Variants in CERT1 observed in about 807,000 individuals in gnomAD.
CERT1 encodes ceramide transfer protein.
Under a neutral mutation model 87.9 loss-of-function variants are expected in CERT1, and 31 were observed. The ratio of observed to expected loss-of-function variants is 0.35; its 90% CI spans 0.27 to 0.48. The LOEUF is 0.48. Among genes scored for constraint, CERT1 ranks in the 20% least tolerant of loss-of-function variants. The probability of loss-of-function intolerance (pLI) is 0.99; values close to 1 mark genes in which losing one functional copy is unlikely to be tolerated. For synonymous variants in CERT1, 289 were observed against 250.9 expected (o/e 1.15, Z -1.44); for missense variants, 487 against 758.0 (o/e 0.64, Z 4.20).
At chr5:75,409,772 C>T (rs573735965) in intron 8 of CERT1, among the ~76,000 whole-genome samples, 32 of 151,938 alleles carry the variant, frequency 2.1e-4, no homozygotes, top group Admixed American at 1.2e-3. Flanking sequence ...TGTGATCCCC[C>T]CGCCTCAGCC....
rs574309879 is a variant in CERT1 at position 75,433,501 on chromosome 5, T to A, written c.349-7023A>T. 2.0e-5 allele frequency among the ~76,000 whole-genome samples: 3 copies of A among 152,234 alleles called. No homozygotes were observed. In the East Asian group the frequency reaches 5.8e-4, roughly 29 times the overall value. On this transcript the variant is annotated intron_variant, in intron 3 of 16. Coordinates refer to ENST00000643780, the MANE Select transcript of CERT1 (RefSeq NM_001379029.1). ...CCTGATCTGACTCTCAGCTTGGATG[T>A]TATTGGTGTATAGAAATGGTACTGA...
intron 2 of CERT1, among the ~76,000 whole-genome samples, chr5:75,484,998 T>C (rs1766440183): frequency 6.6e-6 from 1 of 151,988 alleles, no homozygotes; most frequent in South Asian, 2.1e-4. Context: ...TCAAAATAAC[T>C]GAAATCATTA....
Position 75,379,109 on chromosome 5 carries a change from G to C in CERT1, c.*237C>G, listed in dbSNP as rs1022412458. 4 of 388,562 alleles carry C rather than the reference G, an allele frequency of 1.0e-5. No individual in the cohort carries two copies. Among genetic ancestry groups the C allele is most frequent in the Non-Finnish European group, 1.9e-5 (4 of 215,212 alleles). 24.1% of individuals were successfully genotyped at this position (388,562 alleles called of 1,614,324 possible). On this transcript the variant is annotated 3_prime_UTR_variant, in exon 17 of 17. Transcript: ENST00000643780. ...GAGATGAGAGGATTGTTTGAGGCCA[G>C]AGGTTGAGGTTGCAGTGAGCCGTGA...
At chr5:75,369,369 G>C (rs545836981) in intron 17 of CERT1, 1 of 152,262 alleles carries the variant, frequency 6.6e-6, no homozygotes, top group South Asian at 2.1e-4. Flanking sequence ...TGTGTATTTG[G>C]AATTTTGTGA....
In CERT1 at chr5:75,393,602, T is replaced by TAAAAAAAAAAAAAAA. The variant is rs60898983; in HGVS notation, c.1189-3930_1189-3916dup. Among the ~76,000 whole-genome samples the TAAAAAAAAAAAAAAA allele has an allele frequency of 4.2e-3, 138 of 32,704 alleles. 6 individuals carry two copies. The highest frequency in any genetic ancestry group is 4.7e-3 in the Non-Finnish European group (80 of 17,182). The allele number at this position is 32,704 out of a possible 152,430, so 21.5% of individuals were successfully genotyped here. A position where few individuals can be genotyped will look rare whatever the true frequency, so the allele number is the denominator to read the frequency against. On this transcript the variant is annotated intron_variant, in intron 11 of 16. Coordinates refer to ENST00000643780, the MANE Select transcript of CERT1 (RefSeq NM_001379029.1). ...GCAACATAGCAAGACCTCATCTACT[T>TAAAAAAAAAAAAAAA]AAAAAAAAAAAAAAAAAAAAAGAAA...
At chr5:75,459,812 A>T (rs946228628) in intron 2 of CERT1, among the ~76,000 whole-genome samples, 1 of 151,864 alleles carries the variant, frequency 6.6e-6, no homozygotes, top group Non-Finnish European at 1.5e-5. Flanking sequence ...AAAATACAAA[A>T]ATCAGCTGGG....
Position 75,425,330 on chromosome 5 carries a change from A to C in CERT1, c.595+31T>G, listed in dbSNP as rs963247593. 11 of 1,593,694 alleles carry C rather than the reference A, an allele frequency of 6.9e-6. No homozygotes were observed. The African/African-American group carries it at 1.3e-4, about 20-fold the overall frequency. ...GAGGCTTTTAATCCATTCATTCTCCAAGTAAAAATAGTGGTAATAGCCTAA... is the reference window on the plus strand; with the variant it reads ...GAGGCTTTTAATCCATTCATTCTCCCAGTAAAAATAGTGGTAATAGCCTAA... On this transcript the variant is annotated intron_variant, in intron 5 of 16. Coordinates refer to ENST00000643780, the MANE Select transcript of CERT1 (RefSeq NM_001379029.1).
chr5:75,410,903 A>G, intron 8 of CERT1, 108 bp downstream of exon 8: 1 of 532,658 alleles, frequency 1.9e-6, no homozygotes, highest in Non-Finnish European at 3.2e-6. Flanking sequence ...ACTGAGGAAA[A>G]AATTATATAT....
At chr5:75,446,610 G>A (rs558763584) in intron 3 of CERT1, among the ~76,000 whole-genome samples, 1 of 152,250 alleles carries the variant, frequency 6.6e-6, no homozygotes, top group Admixed American at 6.5e-5. Flanking sequence ...ATTTACTAGT[G>A]TGGTAACTCT....
At position 75,389,584 on chromosome 5, in the gene CERT1, G is replaced by A. The variant is rs144328589; in HGVS notation, c.1284+8C>T. On this transcript the variant is annotated splice_region_variant and intron_variant, in intron 12 of 16. Coordinates refer to ENST00000643780, the MANE Select transcript of CERT1 (RefSeq NM_001379029.1). ...TTTGGCAATCTATAACATTTCAGGG[G>A]GAATTACCTTCATTTCTCCTTCTTC... 5.4e-5 allele frequency: 87 copies of A among 1,608,050 alleles called. No homozygotes were observed. The East Asian group carries it at 1.8e-3, about 33-fold the overall frequency.
downstream of CERT1, chr5:75,372,862 C>A (rs1438800534): frequency 2.0e-5 from 3 of 152,166 alleles, no homozygotes; most frequent in African/African-American, 7.2e-5. Context: ...TGTGTTTTTA[C>A]AGAGCTGAAC....
chr5:75,439,815 T>G (rs1321129768), intron 3 of CERT1, among the ~76,000 whole-genome samples: 1 of 152,048 alleles, frequency 6.6e-6, no homozygotes, highest in African/African-American at 2.4e-5. Context: ...AATTTTAGCT[T>G]GTCCAGGTCA....
rs1366449876 is a variant in CERT1 at position 75,378,774 on chromosome 5, AG to A, written c.*571del. On this transcript the variant is annotated 3_prime_UTR_variant, in exon 17 of 17. Transcript: ENST00000643780. ...CAGTTTCTGGGAAAGGAAAGAATACAGGAAGTTTGCACTTCTACAATTCTAC... is the reference window on the plus strand; with the variant it reads ...CAGTTTCTGGGAAAGGAAAGAATACAGAAGTTTGCACTTCTACAATTCTAC... 1 of 152,280 alleles carries A rather than the reference AG, an allele frequency of 6.6e-6. No homozygotes were observed. The highest frequency in any genetic ancestry group is 1.5e-5 in the Non-Finnish European group (1 of 68,054). The allele number at this position is 152,280 out of a possible 1,614,324, so 9.4% of individuals were successfully genotyped here.
intron 3 of CERT1, among the ~76,000 whole-genome samples, chr5:75,426,998 T>C (rs1319802136): frequency 6.6e-6 from 1 of 152,202 alleles, no homozygotes; most frequent in Admixed American, 6.5e-5. Context: ...CAATAGTTTG[T>C]GTTTTGTTAT....
chr5:75,501,563 C>G (rs1767370462), intron 2 of CERT1, among the ~76,000 whole-genome samples: 1 of 152,160 alleles, frequency 6.6e-6, no homozygotes, highest in Admixed American at 6.5e-5. Flanking sequence ...TAAATTACTT[C>G]TATCTTCACC....
intron 7 of CERT1, among the ~76,000 whole-genome samples, chr5:75,415,030 A>G (rs901680505): frequency 6.6e-6 from 1 of 151,936 alleles, no homozygotes; most frequent in African/African-American, 2.4e-5. Context: ...TTTAGTGTGT[A>G]TATATACACA....
intron 9 of CERT1, 173 bp downstream of exon 9, chr5:75,402,799 C>CAAAAA: frequency 3.0e-6 from 1 of 332,360 alleles, no homozygotes; most frequent in Non-Finnish European, 5.3e-6. Context: ...GACTCTGTCT[C>CAAAAA]AAAAAAAAAA....
chr5:75,427,406 C>T (rs986219727), intron 3 of CERT1, among the ~76,000 whole-genome samples: 1 of 152,146 alleles, frequency 6.6e-6, no homozygotes, highest in Non-Finnish European at 1.5e-5. Context: ...TGAGACCAGC[C>T]TGGCCAATAT....
chr5:75,424,169 T>A (rs1763502177), intron 5 of CERT1, among the ~76,000 whole-genome samples: 1 of 152,246 alleles, frequency 6.6e-6, no homozygotes, highest in South Asian at 2.1e-4. Flanking sequence ...TGAAGATATC[T>A]TGTTTCTTTT....
Sources: allele counts gnomAD v4.1 joint callset (sites outside exome capture counted in the v4.1 genomes callset), GRCh38; gene constraint gnomAD v4.1.1; transcripts MANE v1.5; gene names NCBI Gene and HGNC (gene_info 2026-07-23, HGNC 2026-07-21).